The following AMT variants were observed in gnomAD, a reference collection of about 807,000 sequenced individuals.
AMT encodes aminomethyltransferase, mitochondrial.
Under a neutral mutation model 39.5 loss-of-function variants are expected in AMT, and 24 were observed. The observed-to-expected ratio is 0.61, with a 90% confidence interval of 0.44 to 0.86. AMT has a LOEUF of 0.86. Among genes scored for constraint, AMT ranks in the 40% least tolerant of loss-of-function variants. The probability of loss-of-function intolerance (pLI) is 0.00; values close to 1 mark genes in which losing one functional copy is unlikely to be tolerated. For missense variants in AMT, 501 were observed against 537.0 expected (o/e 0.93, Z 0.66); for synonymous variants, 210 against 212.1 (o/e 0.99, Z 0.09).
At chr3:49,418,676 T>TG in intron 7 of AMT, 1 of 355,122 alleles carries the variant, frequency 2.8e-6, no homozygotes, top group Non-Finnish European at 5.4e-6. Flanking sequence ...TAATTTTTTT[T>TG]TTGTATTTTT....
chr3:49,417,663 A>G lies in AMT; in HGVS notation c.1089T>C (p.Gly363=). The G allele has an allele frequency of 6.2e-7, 1 of 1,614,094 alleles. No homozygotes were observed. The highest frequency in any genetic ancestry group is 8.5e-7 in the Non-Finnish European group (1 of 1,180,012). The part of the protein sequence containing the change: ...SPSLKKNVAM[G]YVPCEYSRPG... The stretch of plus-strand genomic sequence containing the variant: ...GACGACTGTACTCGCAGGGCACATA[A>G]CCCATCGCCACATTCTTCTTCAGAG... The change falls in exon 9 of 9, where the codon GGT becomes GGC. Residue 363 remains glycine, a synonymous_variant. Transcript: ENST00000273588.
chr3:49,419,487 A>C (rs1361714795), intron 5 of AMT, 82 bp from the exon 6 acceptor site: 1 of 1,572,114 alleles, frequency 6.4e-7, no homozygotes, highest in African/African-American at 1.4e-5. Flanking sequence ...AGGGACCAGA[A>C]CAAGCCCTGA....
chr3:49,421,614 C>A, intron 2 of AMT, 42 bp from the exon 3 acceptor site: 1 of 1,567,108 alleles, frequency 6.4e-7, no homozygotes. Context: ...GCAACAGCTA[C>A]AATCCAAAAG....
intron 4 of AMT, 112 bp from the exon 5 acceptor site, chr3:49,419,900 AGG>A: frequency 9.3e-7 from 1 of 1,075,482 alleles, no homozygotes; most frequent in Admixed American, 1.7e-5. Flanking sequence ...AGGAGGAGGG[AGG>A]AAAAAAAAAG....
Position 49,422,347 on chromosome 3 carries a change from A to G in AMT, c.90+14T>C. The stretch of plus-strand genomic sequence containing the variant: ...CCCTCCCCCACCCTCCAAGATCAGC[A>G]CCCTCTATCCCACCTGTGCGCAACT... On this transcript the variant is annotated intron_variant, in intron 1 of 8. Coordinates refer to ENST00000273588, the MANE Select transcript of AMT (RefSeq NM_000481.4). 6.3e-7 allele frequency: 1 copy of G among 1,584,308 alleles called. No individual in the cohort carries two copies.
rs2049014117 is a variant in AMT at position 49,417,237 on chromosome 3, A to G, written c.*303T>C. On this transcript the variant is annotated 3_prime_UTR_variant, in exon 9 of 9. Coordinates refer to ENST00000273588, the MANE Select transcript of AMT (RefSeq NM_000481.4). ...TTGCTCCACAGCCAGCACCTGGCAG[A>G]GTGGGAGAGATGGCAGAACCAAAGC... 1.3e-6 allele frequency: 2 copies of G among 1,573,888 alleles called. No homozygotes were observed. The highest frequency in any genetic ancestry group is 1.7e-6 in the Non-Finnish European group (2 of 1,157,304).
At position 49,417,451 on chromosome 3, in the gene AMT, C is replaced by T. The variant is rs774156542; in HGVS notation, c.*89G>A. On this transcript the variant is annotated 3_prime_UTR_variant, in exon 9 of 9. Transcript: ENST00000273588. ...TAGAATCAGCCTCCACCTTAACTGC[C>T]CACCCCCAGTGAGTTCTGCCTCAGC... 6 of 1,613,694 alleles carry T rather than the reference C, an allele frequency of 3.7e-6. No homozygotes were observed. Among genetic ancestry groups the T allele is most frequent in the Non-Finnish European group, 3.4e-6 (4 of 1,179,908 alleles).
chr3:49,420,031 TC>T, intron 4 of AMT, 179 bp downstream of exon 4: 3 of 894,386 alleles, frequency 3.4e-6, no homozygotes, highest in Non-Finnish European at 3.5e-6. Flanking sequence ...TGCCTGGTAA[TC>T]CCCCACCACC....
chr3:49,419,841 T>C (rs1234589974), intron 4 of AMT, 53 bp from the exon 5 acceptor site: 28 of 1,528,696 alleles, frequency 1.8e-5, no homozygotes, highest in Non-Finnish European at 2.3e-5. Flanking sequence ...GCAGCTACCA[T>C]GGGCTGGACG....
intron 4 of AMT, 180 bp downstream of exon 4, chr3:49,420,031 T>TC: frequency 1.1e-6 from 1 of 894,386 alleles, no homozygotes; most frequent in Non-Finnish European, 1.8e-6. Flanking sequence ...TGCCTGGTAA[T>TC]CCCCCACCAC....
chr3:49,420,340 C>G lies in AMT; in HGVS notation c.342G>C (p.Gly114=). ...GDIAELRPNQ[G]TLSLFTNEAG... ...CCTCGTTGGTAAACAGCGACAGTGTCCCCTAGGACCAAAGTGGAGCGTTTT... is the reference window on the plus strand; with the variant it reads ...CCTCGTTGGTAAACAGCGACAGTGTGCCCTAGGACCAAAGTGGAGCGTTTT... The change falls in exon 4 of 9, where the codon GGG becomes GGC. Residue 114 remains glycine (G), a splice_region_variant and synonymous_variant. Coordinates refer to ENST00000273588, the MANE Select transcript of AMT (RefSeq NM_000481.4). The G allele has an allele frequency of 6.2e-7, 1 of 1,614,122 alleles. No individual in the cohort carries two copies. The highest frequency in any genetic ancestry group is 8.5e-7 in the Non-Finnish European group (1 of 1,180,002).
intron 3 of AMT, 42 bp downstream of exon 3, chr3:49,421,450 C>G (rs770981467): frequency 6.4e-7 from 1 of 1,562,142 alleles, no homozygotes; most frequent in South Asian, 1.1e-5. Flanking sequence ...TTTGCTGGCT[C>G]ATGACTAAGA....
Position 49,422,104 on chromosome 3 carries a change from C to T in AMT, c.258G>A (p.Gln86=). The T allele has an allele frequency of 6.2e-7, 1 of 1,613,588 alleles. No individual in the cohort carries two copies. The highest frequency in any genetic ancestry group is 8.5e-7 in the Non-Finnish European group (1 of 1,180,042). The change falls in exon 2 of 9, where the codon CAG becomes CAA. Residue 86 remains glutamine (Q), a splice_region_variant and synonymous_variant. Transcript: ENST00000273588. Reference sequence around the variant, plus strand: ...TGGCCAGTGTGCTCCCCTGGCTCACCTGCAGCATATGAGACACGTCAAAGA... The same window carrying T: ...TGGCCAGTGTGCTCCCCTGGCTCACTTGCAGCATATGAGACACGTCAAAGA... ...CSLFDVSHML[Q]TKILGSDRVK... is the part of the protein sequence containing the mutation.
chr3:49,417,723 C>G lies in AMT; in HGVS notation c.1034-5G>C. ...GGCAGCCACTAGTCACAGTACCTGTCAAGCAAGCATAAGCCACGCATCAGC... is the reference window on the plus strand; with the variant it reads ...GGCAGCCACTAGTCACAGTACCTGTGAAGCAAGCATAAGCCACGCATCAGC... On this transcript the variant is annotated splice_polypyrimidine_tract_variant and splice_region_variant and intron_variant, in intron 8 of 8. Transcript: ENST00000273588. 1 of 1,614,028 alleles carries G rather than the reference C, an allele frequency of 6.2e-7. No individual in the cohort carries two copies. The highest frequency in any genetic ancestry group is 8.5e-7 in the Non-Finnish European group (1 of 1,180,032).
rs1053797603 is a variant in AMT at position 49,422,150 on chromosome 3, T to G, written c.212A>C (p.His71Pro). Residue 71 changes from histidine (H) to proline (P), a missense_variant, in exon 2 of 9, where the codon CAC becomes CCC. By Grantham distance (77) the His-to-Pro change is moderately conservative. Transcript: ENST00000273588. ...YRDSHTDSHL[H>P]TRQHCSLFDV... Reference sequence around the variant, plus strand: ...AAAGAGCGAGCAGTGCTGGCGTGTGTGCAGGTGCGAGTCAGTGTGACTGTC... The same window carrying G: ...AAAGAGCGAGCAGTGCTGGCGTGTGGGCAGGTGCGAGTCAGTGTGACTGTC... 7.4e-6 allele frequency: 12 copies of G among 1,613,848 alleles called. No homozygotes were observed. Among genetic ancestry groups the G allele is most frequent in the Non-Finnish European group, 1.0e-5 (12 of 1,180,030 alleles).
intron 4 of AMT, 125 bp from the exon 5 acceptor site, chr3:49,419,913 G>A (rs2049070354): frequency 5.1e-6 from 5 of 980,948 alleles, no homozygotes; most frequent in African/African-American, 1.6e-5. Context: ...AAAAAAAAAG[G>A]TAGTAGGCTG....
intron 4 of AMT, 199 bp from the exon 5 acceptor site, chr3:49,419,987 A>G (rs1479066449): frequency 5.1e-6 from 4 of 779,622 alleles, no homozygotes; most frequent in South Asian, 1.6e-5. Context: ...CAGTTCTGCC[A>G]CCTCACACCA....
At chr3:49,419,518 G>T in intron 5 of AMT, 113 bp from the exon 6 acceptor site, 1 of 1,532,370 alleles carries the variant, frequency 6.5e-7, no homozygotes, top group East Asian at 2.3e-5. Flanking sequence ...CTCTGCAAGT[G>T]GGAGAAGATG....
Position 49,417,830 on chromosome 3 carries a change from C to G in AMT, c.1021G>C (p.Gly341Arg). 6.2e-7 allele frequency: 1 copy of G among 1,614,102 alleles called. No individual in the cohort carries two copies. Among genetic ancestry groups the G allele is most frequent in the Non-Finnish European group, 8.5e-7 (1 of 1,180,028 alleles). ...CTGGTCCACCTACCAATCTTGGTAC[C>G]CTCCATGTTCAGGATGGGACTGTGT... is the stretch of plus-strand genomic sequence containing the variant. ...RAHSPILNME[G>R]TKIGTVTSGC... is the part of the protein sequence containing the mutation. The change falls in exon 8 of 9, where the codon GGT becomes CGT. Residue 341 changes from glycine (G) to arginine (R), a missense_variant. Coordinates refer to ENST00000273588, the MANE Select transcript of AMT (RefSeq NM_000481.4).
Sources: allele counts gnomAD v4.1 joint callset, GRCh38; gene constraint gnomAD v4.1.1; transcripts MANE v1.5; gene names NCBI Gene and HGNC (gene_info 2026-07-23, HGNC 2026-07-21).